Variants in LDB2 observed in about 807,000 individuals in gnomAD.
LDB2 encodes the protein LIM domain-binding protein 2.
In LDB2, 12 loss-of-function variants were observed where a neutral mutation model predicts 44.3. The observed-to-expected ratio is 0.27, with a 90% CI of 0.17 to 0.44. LDB2 has a LOEUF of 0.44. Ranked by LOEUF, LDB2 falls within the 20% of genes least tolerant of loss-of-function variation. The probability of loss-of-function intolerance (pLI) is 1.00; values close to 1 mark genes in which losing one functional copy is unlikely to be tolerated. For synonymous variants in LDB2, 164 were observed against 174.8 expected (o/e 0.94, Z 0.49); for missense variants, 344 against 473.5 (o/e 0.73, Z 2.54).
At chr4:16,818,367 C>T (rs1453415432) in intron 1 of LDB2, among the ~76,000 whole-genome samples, 2 of 152,152 alleles carry the variant, frequency 1.3e-5, no homozygotes, top group African/African-American at 2.4e-5. Flanking sequence ...AGGCAGAACG[C>T]AAAGAGAGGG....
At chr4:16,882,493 A>G (rs1327330017) in intron 1 of LDB2, among the ~76,000 whole-genome samples, 2 of 151,200 alleles carry the variant, frequency 1.3e-5, no homozygotes, top group Non-Finnish European at 3.0e-5. Flanking sequence ...TTCTCTCCCC[A>G]CCTCCCCCAT....
chr4:16,844,967 A>G (rs560687641), intron 1 of LDB2, among the ~76,000 whole-genome samples: 3 of 152,352 alleles, frequency 2.0e-5, no homozygotes, highest in South Asian at 4.1e-4. Context: ...GTAGGTCAAG[A>G]GTAAACATCC....
At chr4:16,877,448 T>C (rs1718770526) in intron 1 of LDB2, among the ~76,000 whole-genome samples, 1 of 152,208 alleles carries the variant, frequency 6.6e-6, no homozygotes, top group Non-Finnish European at 1.5e-5. Context: ...TCATCCGAAG[T>C]CATCTAGCAA....
At chr4:16,585,449 G>A (rs1350671115) in intron 5 of LDB2, among the ~76,000 whole-genome samples, 1 of 152,186 alleles carries the variant, frequency 6.6e-6, no homozygotes, top group Non-Finnish European at 1.5e-5. Context: ...TCTGTTACAT[G>A]TTGTGCAGAG....
chr4:16,711,418 G>T (rs1213312868), intron 2 of LDB2, among the ~76,000 whole-genome samples: 1 of 152,196 alleles, frequency 6.6e-6, no homozygotes, highest in African/African-American at 2.4e-5. Context: ...AGTCATGCTG[G>T]GATGAATGAA....
At chr4:16,562,021 G>A (rs1275793247) in intron 5 of LDB2, among the ~76,000 whole-genome samples, 1 of 152,172 alleles carries the variant, frequency 6.6e-6, no homozygotes, top group Admixed American at 6.5e-5. Context: ...GCCATATGTA[G>A]AAAGCTGAAA....
chr4:16,897,898 ATAT>A (rs1725541633), intron 1 of LDB2, among the ~76,000 whole-genome samples: 5 of 60,498 alleles, frequency 8.3e-5, no homozygotes, highest in Admixed American at 1.5e-4. Context: ...AAAAGAAAAT[ATAT>A]ATATATATAT....
At chr4:16,531,831 A>C (rs1317994418) in intron 5 of LDB2, among the ~76,000 whole-genome samples, 2 of 152,234 alleles carry the variant, frequency 1.3e-5, no homozygotes, top group Non-Finnish European at 2.9e-5. Flanking sequence ...TGTTCTGTCC[A>C]AAAGCACCCA....
At chr4:16,642,661 T>C (rs1366099880) in intron 2 of LDB2, among the ~76,000 whole-genome samples, 3 of 152,192 alleles carry the variant, frequency 2.0e-5, no homozygotes, top group Admixed American at 6.5e-5. Context: ...CAGGTGACCA[T>C]GATCAATCAT....
chr4:16,727,622 G>C (rs1277016299), intron 2 of LDB2, among the ~76,000 whole-genome samples: 1 of 152,170 alleles, frequency 6.6e-6, no homozygotes, highest in African/African-American at 2.4e-5. Flanking sequence ...TTTGAAGAGA[G>C]GTACTTTATA....
At chr4:16,738,931 G>A (rs1175238823) in intron 2 of LDB2, among the ~76,000 whole-genome samples, 1 of 152,098 alleles carries the variant, frequency 6.6e-6, no homozygotes, top group East Asian at 1.9e-4. Context: ...AAAACTCTGG[G>A]CCCAATTCTT....
intron 1 of LDB2, among the ~76,000 whole-genome samples, chr4:16,879,265 C>T (rs1373364954): frequency 6.6e-6 from 1 of 152,212 alleles, no homozygotes; most frequent in East Asian, 1.9e-4. Context: ...TCTATTATAT[C>T]TGAGAAGGCA....
chr4:16,843,411 T>C (rs1402281351), intron 1 of LDB2, among the ~76,000 whole-genome samples: 1 of 152,072 alleles, frequency 6.6e-6, no homozygotes, highest in Non-Finnish European at 1.5e-5. Context: ...CAACAAACAG[T>C]TGTAAATGAG....
chr4:16,526,103 C>T lies in LDB2; in HGVS notation c.616-13999G>A, dbSNP rs138131925. Among the ~76,000 whole-genome samples, 416 of 152,168 alleles carry T rather than the reference C, an allele frequency of 2.7e-3. 3 individuals carry two copies. Among genetic ancestry groups the T allele is most frequent in the African/African-American group, 9.4e-3 (389 of 41,498 alleles). The stretch of plus-strand genomic sequence containing the variant: ...GTAAAGTGGTATTTCTGGGTATGTC[C>T]GAGAGGTTGTTTCCAGAGGAGAATG... On this transcript the variant is annotated intron_variant, in intron 5 of 7. Coordinates refer to ENST00000304523, the MANE Select transcript of LDB2 (RefSeq NM_001290.5).
intron 1 of LDB2, among the ~76,000 whole-genome samples, chr4:16,803,729 G>C (rs1297308033): frequency 6.6e-6 from 1 of 152,190 alleles, no homozygotes; most frequent in Non-Finnish European, 1.5e-5. Context: ...CTGAATCTCA[G>C]TGTGTCTTGG....
intron 1 of LDB2, among the ~76,000 whole-genome samples, chr4:16,842,903 T>TGA (rs1317913530): frequency 6.6e-6 from 1 of 152,166 alleles, no homozygotes; most frequent in African/African-American, 2.4e-5. Context: ...AATGAGTAAA[T>TGA]GTATATTAAG....
intron 5 of LDB2, among the ~76,000 whole-genome samples, chr4:16,567,399 C>T (rs532410077): frequency 3.5e-4 from 50 of 142,420 alleles, no homozygotes; most frequent in Admixed American, 1.1e-3. Context: ...TGTGTGCATG[C>T]GTGTGTGTGC....
chr4:16,651,479 A>C (rs1248391829), intron 2 of LDB2, among the ~76,000 whole-genome samples: 1 of 152,180 alleles, frequency 6.6e-6, no homozygotes. Flanking sequence ...TTGCAAGTAA[A>C]TATCTGGAGA....
chr4:16,792,616 T>C (rs1437811227), intron 1 of LDB2, among the ~76,000 whole-genome samples: 1 of 152,162 alleles, frequency 6.6e-6, no homozygotes, highest in African/African-American at 2.4e-5. Context: ...AGATGCATCA[T>C]GGTTATGGGG....
Sources: allele counts gnomAD v4.1 joint callset (sites outside exome capture counted in the v4.1 genomes callset), GRCh38; gene constraint gnomAD v4.1.1; transcripts MANE v1.5; gene names NCBI Gene and HGNC (gene_info 2026-07-23, HGNC 2026-07-21).